NCLN: variants seen among roughly 807,000 people sequenced by gnomAD.
NCLN encodes nicalin.
Under a neutral mutation model 69.5 loss-of-function variants are expected in NCLN, and 34 were observed. That is an observed-to-expected ratio of 0.49 (90% CI 0.37 to 0.65). The LOEUF (loss-of-function observed/expected upper bound fraction) is 0.65, where lower values mean the gene tolerates loss of function less well. NCLN is among the 30% of genes least tolerant of loss of function. NCLN has a pLI of 0.00. For synonymous variants in NCLN, 393 were observed against 358.3 expected, an observed-to-expected ratio of 1.10 and a Z score of -1.09; for missense variants, 710 against 804.8, an observed-to-expected ratio of 0.88 and a Z score of 1.42.
chr19:3,204,748 T>G lies in NCLN; in HGVS notation c.1205T>G (p.Val402Gly). The G allele has an allele frequency of 6.6e-7, 1 of 1,525,418 alleles. No individual in the cohort carries two copies. Among genetic ancestry groups the G allele is most frequent in the South Asian group, 1.3e-5 (1 of 79,480 alleles). 94.5% of individuals were successfully genotyped at this position (1,525,418 alleles called of 1,614,324 possible). A position where few individuals can be genotyped will look rare whatever the true frequency, so the allele number is the denominator to read the frequency against. Reference sequence around the variant, plus strand: ...GGCCAGCGCAGCAGCATCATGGACGTGCGGTGAGCGCGGCAGCACCTGCCC... The same window carrying G: ...GGCCAGCGCAGCAGCATCATGGACGGGCGGTGAGCGCGGCAGCACCTGCCC... ...RDGQRSSIMDVRSRVDSKTLT... is the reference protein window; with the variant it reads ...RDGQRSSIMDGRSRVDSKTLT... The change falls in exon 9 of 15, where the codon GTG (valine) becomes GGG (glycine). Residue 402 changes from valine (V) to glycine (G), a missense_variant. Coordinates refer to ENST00000246117, the MANE Select transcript of NCLN (RefSeq NM_020170.4).
intron 6 of NCLN, among the ~76,000 whole-genome samples, chr19:3,202,681 C>T (rs892222): frequency 0.14 from 21,878 of 152,098 alleles, 1,862 homozygotes; most frequent in South Asian, 0.25. Flanking sequence ...TGGCCTCAAG[C>T]GATCCTCCTG....
intron 4 of NCLN, 43 bp from the exon 5 acceptor site, chr19:3,198,774 G>A: frequency 6.5e-7 from 1 of 1,527,322 alleles, no homozygotes. Context: ...CGGGTCACCT[G>A]CCCCAGGAAC....
intron 5 of NCLN, among the ~76,000 whole-genome samples, chr19:3,199,957 C>T (rs1403901430): frequency 6.6e-6 from 1 of 152,084 alleles, no homozygotes; most frequent in African/African-American, 2.4e-5. Flanking sequence ...TCCTCAGCCT[C>T]CCAAAGTGCT....
intron 1 of NCLN, 35 bp downstream of exon 1, chr19:3,186,249 G>T (rs762037259): frequency 1.4e-6 from 2 of 1,432,494 alleles, no homozygotes; most frequent in African/African-American, 3.0e-5. Flanking sequence ...GGGCTCCCCG[G>T]GCTCCCCGGC....
intron 1 of NCLN, among the ~76,000 whole-genome samples, chr19:3,187,851 A>G (rs1387926520): frequency 1.3e-5 from 2 of 152,008 alleles, no homozygotes; most frequent in East Asian, 3.9e-4. Context: ...TCATGCAGTG[A>G]CCGCGTTTTC....
chr19:3,186,505 C>T (rs1568308022), intron 1 of NCLN, among the ~76,000 whole-genome samples: 2 of 152,282 alleles, frequency 1.3e-5, no homozygotes, highest in Middle Eastern at 3.4e-3. Context: ...TCCCTGGAGC[C>T]CTAAGTCCCC....
chr19:3,196,201 C>T lies in NCLN; in HGVS notation c.539C>T (p.Thr180Ile), dbSNP rs1192749012. The T allele has an allele frequency of 1.3e-6, 2 of 1,554,332 alleles. No individual in the cohort carries two copies. Among genetic ancestry groups the T allele is most frequent in the African/African-American group, 1.4e-5 (1 of 73,268 alleles). The change falls in exon 4 of 15, where the codon ACT becomes ATT. Residue 180 changes from threonine (T) to isoleucine (I), a missense_variant. By Grantham distance (89) the Thr-to-Ile change is moderately conservative. Coordinates refer to ENST00000246117, the MANE Select transcript of NCLN (RefSeq NM_020170.4). ...SAAEVLLRTATANGFQMVTSG... is the reference protein window; with the variant it reads ...SAAEVLLRTAIANGFQMVTSG... The stretch of plus-strand genomic sequence containing the variant: ...TCCCTAGTACTGCTGCGCACGGCCA[C>T]TGCCAACGGCTTCCAGATGGTCACC...
intron 3 of NCLN, among the ~76,000 whole-genome samples, chr19:3,195,538 C>T (rs957275402): frequency 8.5e-5 from 13 of 152,110 alleles, no homozygotes; most frequent in Admixed American, 3.3e-4. Flanking sequence ...TGTGAGCCAC[C>T]GCGCCCGGCC....
intron 6 of NCLN, among the ~76,000 whole-genome samples, chr19:3,202,054 C>T (rs1449171777): frequency 1.3e-5 from 2 of 152,116 alleles, no homozygotes; most frequent in Non-Finnish European, 2.9e-5. Context: ...CCACAGGTGC[C>T]CTCCGACATC....
chr19:3,204,429 G>A (rs868663473), intron 8 of NCLN, 144 bp from the exon 9 acceptor site: 7 of 925,274 alleles, frequency 7.6e-6, no homozygotes, highest in African/African-American at 6.8e-5. Flanking sequence ...GCTCCAGCAG[G>A]CCTTAGGGGG....
chr19:3,189,330 A>G (rs367818088), intron 1 of NCLN, among the ~76,000 whole-genome samples: 8 of 152,116 alleles, frequency 5.3e-5, no homozygotes, highest in African/African-American at 1.9e-4. Context: ...AAACTCCTTC[A>G]TCTGGGATAC....
At chr19:3,193,140 G>A in intron 2 of NCLN, 144 bp from the exon 3 acceptor site, 5 of 748,122 alleles carry the variant, frequency 6.7e-6, no homozygotes, top group Non-Finnish European at 1.1e-5. Flanking sequence ...GCCCTCCAGG[G>A]ACAGTCACTG....
At chr19:3,193,869 C>T (rs574467578) in intron 3 of NCLN, among the ~76,000 whole-genome samples, 12 of 152,366 alleles carry the variant, frequency 7.9e-5, no homozygotes, top group Admixed American at 4.6e-4. Context: ...GCCCCGTGAA[C>T]GGGGGCCCTG....
At chr19:3,199,233 G>A (rs1008214902) in intron 5 of NCLN, among the ~76,000 whole-genome samples, 21 of 152,250 alleles carry the variant, frequency 1.4e-4, no homozygotes, top group African/African-American at 3.9e-4. Context: ...TTGTCCCAGC[G>A]AGCGGTCATG....
intron 6 of NCLN, among the ~76,000 whole-genome samples, chr19:3,202,657 T>C (rs1254513941): frequency 6.6e-6 from 1 of 152,182 alleles, no homozygotes; most frequent in Non-Finnish European, 1.5e-5. Flanking sequence ...GGCAGGAACT[T>C]GGACTCGAAC....
In NCLN at chr19:3,186,179, G is replaced by A; in HGVS notation, c.149G>A (p.Arg50His). The A allele has an allele frequency of 6.3e-7, 1 of 1,586,328 alleles. No homozygotes were observed. Among genetic ancestry groups the A allele is most frequent in the Non-Finnish European group, 8.5e-7 (1 of 1,169,760 alleles). Residue 50 changes from arginine to histidine, a missense_variant, in exon 1 of 15, where the codon CGC (arginine) becomes CAC (histidine). Physicochemically the swap from Arg to His is conservative, Grantham distance 29 (BLOSUM62 0). Coordinates refer to ENST00000246117, the MANE Select transcript of NCLN (RefSeq NM_020170.4). The stretch of plus-strand genomic sequence containing the variant: ...GCCGCGCACGAGTTCACCGTGTACC[G>A]CATGCAGCAGTACGACCTGCAGGGC... ...ADAAHEFTVY[R>H]MQQYDLQGQP...
intron 5 of NCLN, among the ~76,000 whole-genome samples, chr19:3,200,312 A>ATTT (rs34745192): frequency 0.32 from 40,668 of 126,664 alleles, 7,635 homozygotes; most frequent in East Asian, 0.8. Flanking sequence ...TTATTTATGT[A>ATTT]TTTTTTTTTT....
chr19:3,188,975 C>T (rs981797244), intron 1 of NCLN, among the ~76,000 whole-genome samples: 3 of 152,258 alleles, frequency 2.0e-5, no homozygotes, highest in Non-Finnish European at 4.4e-5. Flanking sequence ...CCACCCTCCA[C>T]CACCATCTTC....
intron 4 of NCLN, 57 bp from the exon 5 acceptor site, chr19:3,198,760 C>A (rs1916040614): frequency 6.9e-7 from 1 of 1,458,534 alleles, no homozygotes; most frequent in Non-Finnish European, 9.3e-7. Flanking sequence ...CCAAGCCCCA[C>A]ACACGGGTCA....
Sources: allele counts gnomAD v4.1 joint callset (sites outside exome capture counted in the v4.1 genomes callset), GRCh38; gene constraint gnomAD v4.1.1; transcripts MANE v1.5; gene names NCBI Gene and HGNC (gene_info 2026-07-23, HGNC 2026-07-21).